The following SLC30A7 variants were observed in gnomAD, a reference collection of about 807,000 sequenced individuals.
SLC30A7 encodes the protein solute carrier family 30 member 7.
A neutral mutation model predicts 46.0 loss-of-function variants in SLC30A7; 35 were observed. That is an observed-to-expected ratio of 0.76 (90% confidence interval 0.58 to 1.01). The LOEUF (loss-of-function observed/expected upper bound fraction) is 1.01. Ranked by LOEUF, SLC30A7 falls within the 50% of genes least tolerant of loss-of-function variation. The probability of loss-of-function intolerance (pLI) is 0.00; values close to 1 mark genes in which losing one functional copy is unlikely to be tolerated. For synonymous variants in SLC30A7, 147 were observed against 157.8 expected (o/e 0.93, Z 0.51); for missense variants, 464 against 451.1 (o/e 1.03, Z -0.26).
At chr1:100,913,051 TTAGAA>T (rs1645996674) in intron 5 of SLC30A7, among the ~76,000 whole-genome samples, 1 of 152,146 alleles carries the variant, frequency 6.6e-6, no homozygotes, top group Admixed American at 6.5e-5. Flanking sequence ...TTTCTGTCCT[TTAGAA>T]TAGCCTGTAT....
At chr1:100,949,742 G>C (rs531462662) in intron 8 of SLC30A7, among the ~76,000 whole-genome samples, 1 of 152,300 alleles carries the variant, frequency 6.6e-6, no homozygotes, top group South Asian at 2.1e-4. Context: ...CCCCAGCCAG[G>C]CTGCAGCATT....
chr1:100,949,800 G>A (rs1367972537), intron 8 of SLC30A7, among the ~76,000 whole-genome samples: 1 of 152,216 alleles, frequency 6.6e-6, no homozygotes, highest in East Asian at 1.9e-4. Flanking sequence ...AGGCTCTGTG[G>A]GTATGGGACC....
intron 8 of SLC30A7, among the ~76,000 whole-genome samples, chr1:100,952,457 C>G (rs146317139): frequency 2.0e-5 from 3 of 152,160 alleles, no homozygotes; most frequent in African/African-American, 7.2e-5. Flanking sequence ...TAATTCTTGC[C>G]TGCCTTTCTT....
At chr1:100,985,424 C>G (rs1254164360), downstream of SLC30A7, among the ~76,000 whole-genome samples, 5 of 152,112 alleles carry the variant, frequency 3.3e-5, no homozygotes, top group Non-Finnish European at 7.4e-5. Flanking sequence ...CAAGCTCATT[C>G]TAACGTTTAT....
At chr1:100,917,920 CAATT>C (rs1652677463) in intron 6 of SLC30A7, among the ~76,000 whole-genome samples, 153 bp from the exon 7 acceptor site, 1 of 152,124 alleles carries the variant, frequency 6.6e-6, no homozygotes, top group Non-Finnish European at 1.5e-5. Context: ...TACCTCCACT[CAATT>C]ATTTTATTAA....
At chr1:100,898,921 A>G (rs909112897) in intron 2 of SLC30A7, among the ~76,000 whole-genome samples, 29 of 152,126 alleles carry the variant, frequency 1.9e-4, no homozygotes, top group African/African-American at 5.3e-4. Flanking sequence ...TTTTTTTCCT[A>G]TAGAGGACTG....
intron 8 of SLC30A7, among the ~76,000 whole-genome samples, chr1:100,953,676 T>C (rs1482681830): frequency 6.6e-6 from 1 of 152,218 alleles, no homozygotes; most frequent in Non-Finnish European, 1.5e-5. Flanking sequence ...ATATGAATAA[T>C]ATGAATTTAT....
intron 8 of SLC30A7, among the ~76,000 whole-genome samples, chr1:100,938,048 A>G (rs1406470325): frequency 6.6e-6 from 1 of 152,180 alleles, no homozygotes; most frequent in Non-Finnish European, 1.5e-5. Flanking sequence ...TTAACCATGT[A>G]TGTCAGAGTT....
Position 100,980,875 on chromosome 1 carries a change from C to T in SLC30A7, c.*6018C>T, listed in dbSNP as rs1028976275. 12 of 152,122 alleles carry T rather than the reference C, an allele frequency of 7.9e-5. No individual in the cohort carries two copies. The highest frequency in any genetic ancestry group is 2.9e-4 in the African/African-American group (12 of 41,520). 9.4% of individuals were successfully genotyped at this position (152,122 alleles called of 1,614,324 possible). A position where few individuals can be genotyped will look rare whatever the true frequency, so the allele number is the denominator to read the frequency against. Reference sequence around the variant, plus strand: ...CTCCTTTGTTTTTATGGAAAATTGCCATATTCACATATTTCATTTATCCTA... The same window carrying T: ...CTCCTTTGTTTTTATGGAAAATTGCTATATTCACATATTTCATTTATCCTA... On this transcript the variant is annotated 3_prime_UTR_variant, in exon 11 of 11. Coordinates refer to ENST00000357650, the MANE Select transcript of SLC30A7 (RefSeq NM_133496.5).
chr1:100,961,208 G>A (rs1039403628), intron 8 of SLC30A7, among the ~76,000 whole-genome samples: 5 of 151,710 alleles, frequency 3.3e-5, no homozygotes, highest in Middle Eastern at 3.4e-3. Context: ...TGATCCACCC[G>A]CCTTGGCTTC....
chr1:100,991,568 G>A, the SLC30A7 span, among the ~76,000 whole-genome samples: 6 of 152,096 alleles, frequency 3.9e-5, no homozygotes, highest in East Asian at 5.8e-4. Context: ...CAGGCGGATC[G>A]CTTGAGCTCA....
Position 100,974,864 on chromosome 1 carries a change from G to A in SLC30A7, c.*7G>A. 6.3e-7 allele frequency: 1 copy of A among 1,597,488 alleles called. No individual in the cohort carries two copies. Among genetic ancestry groups the A allele is most frequent in the Non-Finnish European group, 8.6e-7 (1 of 1,168,154 alleles). ...TGACTTTGCAGCCATGTAGTGAATG[G>A]AAAGAAATTATGCACCTTTTATGGA... On this transcript the variant is annotated 3_prime_UTR_variant, in exon 11 of 11. Transcript: ENST00000357650.
the SLC30A7 span, chr1:100,990,565 G>A: frequency 9.3e-5 from 150 of 1,614,104 alleles, no homozygotes; most frequent in Middle Eastern, 4.9e-4. Context: ...TAAAGTGCCT[G>A]CTGCAATTTT....
rs569921236 is a variant in SLC30A7 at position 100,975,381 on chromosome 1, C to T, written c.*524C>T. On this transcript the variant is annotated 3_prime_UTR_variant, in exon 11 of 11. Coordinates refer to ENST00000357650, the MANE Select transcript of SLC30A7 (RefSeq NM_133496.5). The stretch of plus-strand genomic sequence containing the variant: ...ACGTAATGTCATAATTGTTGACGTT[C>T]TTCAGTATAATCATGTTTGTTAAAT... 6.5e-6 allele frequency: 1 copy of T among 152,714 alleles called. No homozygotes were observed. The highest frequency in any genetic ancestry group is 1.5e-5 in the Non-Finnish European group (1 of 68,068). The allele number at this position is 152,714 out of a possible 1,614,324, so 9.5% of individuals were successfully genotyped here. A position where few individuals can be genotyped will look rare whatever the true frequency, so the allele number is the denominator to read the frequency against.
chr1:100,915,179 T>TTTTC (rs1491376689), intron 6 of SLC30A7, among the ~76,000 whole-genome samples: 9 of 80,782 alleles, frequency 1.1e-4, no homozygotes, highest in African/African-American at 3.0e-4. Context: ...TTCTTTTTTC[T>TTTTC]TTTCTTTTCT....
Position 100,896,120 on chromosome 1 carries a change from G to A in SLC30A7, c.-143G>A, listed in dbSNP as rs1266097823. 2 of 707,460 alleles carry A rather than the reference G, an allele frequency of 2.8e-6. No homozygotes were observed. Among genetic ancestry groups the A allele is most frequent in the Non-Finnish European group, 5.0e-6 (2 of 396,730 alleles). The allele number at this position is 707,460 out of a possible 1,614,324, so 43.8% of individuals were successfully genotyped here. A position where few individuals can be genotyped will look rare whatever the true frequency, so the allele number is the denominator to read the frequency against. ...TAAGCGAATTCCCGGGTGTGTGTCT[G>A]TGTCTGTCTGTGTCTCGCAGCGGCG... On this transcript the variant is annotated 5_prime_UTR_variant, in exon 1 of 11. In the 5' UTR this introduces an upstream ATG that the reference lacks. Transcript: ENST00000357650.
chr1:100,909,448 A>G (rs1651935085), intron 3 of SLC30A7, among the ~76,000 whole-genome samples: 1 of 152,152 alleles, frequency 6.6e-6, no homozygotes, highest in Non-Finnish European at 1.5e-5. Context: ...GCGTATATAC[A>G]TATGTACCTA....
At chr1:100,919,432 GTTT>G (rs752179699) in intron 7 of SLC30A7, among the ~76,000 whole-genome samples, 43 of 151,962 alleles carry the variant, frequency 2.8e-4, no homozygotes, top group Admixed American at 5.2e-4. Context: ...TATAACTCTC[GTTT>G]TTTATTTTTT....
At chr1:100,921,620 T>A in intron 7 of SLC30A7, 86 bp from the exon 8 acceptor site, 1 of 1,045,350 alleles carries the variant, frequency 9.6e-7, no homozygotes, top group East Asian at 2.6e-5. Flanking sequence ...TTTTTATATA[T>A]AAAATTAAGA....
Sources: allele counts gnomAD v4.1 joint callset (sites outside exome capture counted in the v4.1 genomes callset), GRCh38; gene constraint gnomAD v4.1.1; transcripts MANE v1.5; gene names NCBI Gene and HGNC (gene_info 2026-07-23, HGNC 2026-07-21).